The following DPP6 variants were observed in gnomAD, a reference collection of about 807,000 sequenced individuals.
DPP6 encodes the protein dipeptidyl peptidase like 6.
A neutral mutation model predicts 122.6 loss-of-function variants in DPP6; 69 were observed. That is an observed-to-expected ratio of 0.56 (90% CI 0.46 to 0.69). The LOEUF (loss-of-function observed/expected upper bound fraction) is 0.69, where lower values mean the gene tolerates loss of function less well. DPP6 is among the 30% of genes least tolerant of loss of function. The pLI, the probability that DPP6 is intolerant of heterozygous loss-of-function variation, is 0.00. For synonymous variants in DPP6, 418 were observed against 433.1 expected, an observed-to-expected ratio of 0.97 and a Z score of 0.43; for missense variants, 928 against 1,116.9, an observed-to-expected ratio of 0.83 and a Z score of 2.41.
intron 1 of DPP6, among the ~76,000 whole-genome samples, chr7:154,368,728 C>A (rs1035736739): frequency 6.6e-6 from 1 of 152,098 alleles, no homozygotes; most frequent in Non-Finnish European, 1.5e-5. Context: ...CAGTTGTTGA[C>A]CAAAGATTCA....
At chr7:153,756,312 CTT>C in the DPP6 span, among the ~76,000 whole-genome samples, 2 of 151,550 alleles carry the variant, frequency 1.3e-5, no homozygotes, top group Admixed American at 6.6e-5. Context: ...TAGGATCTAA[CTT>C]TAGAGGTAAT....
intron 17 of DPP6, among the ~76,000 whole-genome samples, chr7:154,866,061 G>A (rs1803848220): frequency 6.6e-6 from 1 of 152,230 alleles, no homozygotes; most frequent in South Asian, 2.1e-4. Context: ...GCCTGAGATA[G>A]GGTGGTCAGG....
At chr7:154,653,241 C>T (rs1430043945) in intron 6 of DPP6, among the ~76,000 whole-genome samples, 2 of 152,220 alleles carry the variant, frequency 1.3e-5, no homozygotes, top group African/African-American at 2.4e-5. Flanking sequence ...AACGCCCCAA[C>T]AGCTCGGGAG....
At position 154,605,956 on chromosome 7, in the gene DPP6, T is replaced by C. The variant is rs1208028985; in HGVS notation, c.628-31865T>C. Among the ~76,000 whole-genome samples, 3 of 120,262 alleles carry C rather than the reference T, an allele frequency of 2.5e-5. 1 individual carries two copies. The highest frequency in any genetic ancestry group is 3.4e-4 in the South Asian group (1 of 2,958). 78.9% of individuals were successfully genotyped at this position (120,262 alleles called of 152,430 possible). On this transcript the variant is annotated intron_variant, in intron 5 of 25. Transcript: ENST00000377770. Reference sequence around the variant, plus strand: ...ACTCATGTGTTATTTTGTTTCCGAATATATGCTTTATTTACCCTTTTCACA... The same window carrying C: ...ACTCATGTGTTATTTTGTTTCCGAACATATGCTTTATTTACCCTTTTCACA...
intron 1 of DPP6, among the ~76,000 whole-genome samples, chr7:153,991,339 G>A (rs1797168680): frequency 6.6e-6 from 1 of 151,968 alleles, no homozygotes; most frequent in South Asian, 2.1e-4. Context: ...AGAAAAATAG[G>A]GAAGAAACCT....
chr7:154,404,672 A>G (rs1177400611), intron 1 of DPP6, among the ~76,000 whole-genome samples: 1 of 152,244 alleles, frequency 6.6e-6, no homozygotes. Flanking sequence ...CAGTTTGCTT[A>G]TAAAATCAGT....
chr7:154,658,186 TTAA>T (rs1384042215), intron 6 of DPP6, among the ~76,000 whole-genome samples: 1 of 152,174 alleles, frequency 6.6e-6, no homozygotes, highest in East Asian at 1.9e-4. Context: ...TGGGACTTAG[TTAA>T]TAATGTTTCA....
intron 1 of DPP6, among the ~76,000 whole-genome samples, chr7:153,930,624 A>G (rs1012683831): frequency 3.3e-5 from 5 of 152,276 alleles, no homozygotes; most frequent in African/African-American, 1.2e-4. Flanking sequence ...AATCTCTGAG[A>G]GAGTAGACTT....
At chr7:154,505,772 G>A (rs1427460041) in intron 3 of DPP6, among the ~76,000 whole-genome samples, 1 of 152,150 alleles carries the variant, frequency 6.6e-6, no homozygotes, top group African/African-American at 2.4e-5. Context: ...TGTTGACCTT[G>A]ATCACCTGGC....
chr7:153,766,918 A>G, the DPP6 span, among the ~76,000 whole-genome samples: 2 of 152,192 alleles, frequency 1.3e-5, no homozygotes, highest in Non-Finnish European at 2.9e-5. Context: ...CACAAGCCAC[A>G]TAATAATTTG....
In DPP6 at chr7:154,657,694, GGGAGGAGGTGCTCA is replaced by G. The variant is rs1428523552; in HGVS notation, c.681-11665_681-11652del. ...TCATGGGTGGGTGGAGAGGCTGCGT[GGGAGGAGGTGCTCA>G]TAGGTGGGTGGAGAGGCTACGTGGG... On this transcript the variant is annotated intron_variant, in intron 6 of 25. Coordinates refer to ENST00000377770, the MANE Select transcript of DPP6 (RefSeq NM_130797.4). Among the ~76,000 whole-genome samples, 183 of 95,486 alleles carry G rather than the reference GGGAGGAGGTGCTCA, an allele frequency of 1.9e-3. 21 individuals carry two copies. The highest frequency in any genetic ancestry group is 6.2e-3 in the African/African-American group (177 of 28,474). 62.6% of individuals were successfully genotyped at this position (95,486 alleles called of 152,430 possible). A position where few individuals can be genotyped will look rare whatever the true frequency, so the allele number is the denominator to read the frequency against.
At chr7:154,165,322 C>A (rs1797192983) in intron 1 of DPP6, among the ~76,000 whole-genome samples, 1 of 142,532 alleles carries the variant, frequency 7.0e-6, no homozygotes, top group African/African-American at 3.0e-5. Context: ...CATGTCCCTA[C>A]AAAGGACATG....
chr7:154,711,945 C>CACACACACACACA (rs6150404), intron 7 of DPP6, among the ~76,000 whole-genome samples: 109,393 of 149,772 alleles, frequency 0.73, 41,896 homozygotes, highest in Non-Finnish European at 0.85. Flanking sequence ...TTAATACACA[C>CACACACACACACA]ACACACACAC....
chr7:153,836,938 A>C, the DPP6 span, among the ~76,000 whole-genome samples: 1 of 152,186 alleles, frequency 6.6e-6, no homozygotes, highest in Admixed American at 6.5e-5. Flanking sequence ...GTGGCTCATA[A>C]GAGAGTGGCT....
At chr7:154,408,716 G>A (rs1816332014) in intron 1 of DPP6, among the ~76,000 whole-genome samples, 1 of 150,702 alleles carries the variant, frequency 6.6e-6, no homozygotes. Flanking sequence ...GCATTTGCGT[G>A]TCCTATCTTT....
Position 154,158,484 on chromosome 7 carries a change from C to T in DPP6, c.243+105421C>T, listed in dbSNP as rs1796809309. 1.3e-5 allele frequency among the ~76,000 whole-genome samples: 2 copies of T among 151,220 alleles called. 1 individual carries two copies. Among genetic ancestry groups the T allele is most frequent in the African/African-American group, 4.9e-5 (2 of 41,034 alleles). The stretch of plus-strand genomic sequence containing the variant: ...TTCCTTTTTTTAAAAAAAAAATCTC[C>T]TAAATTTCTGAATGCAAAACATTAC... On this transcript the variant is annotated intron_variant, in intron 1 of 25. Transcript: ENST00000377770.
At chr7:154,005,135 C>T (rs1797858710) in intron 1 of DPP6, among the ~76,000 whole-genome samples, 1 of 152,038 alleles carries the variant, frequency 6.6e-6, no homozygotes. Context: ...TATACACTGT[C>T]AAACAATTGA....
intron 6 of DPP6, among the ~76,000 whole-genome samples, chr7:154,656,174 G>A (rs891435957): frequency 2.1e-5 from 3 of 146,136 alleles, no homozygotes; most frequent in Non-Finnish European, 4.5e-5. Context: ...GAGGGAGGTG[G>A]GGGGAGAGCT....
chr7:154,880,520 C>A (rs12534125), intron 20 of DPP6, among the ~76,000 whole-genome samples: 52,033 of 152,054 alleles, frequency 0.34, 9,362 homozygotes, highest in East Asian at 0.55. Flanking sequence ...TCCCAGAGCC[C>A]GCGTGCTTGG....
Sources: allele counts gnomAD v4.1 joint callset (sites outside exome capture counted in the v4.1 genomes callset), GRCh38; gene constraint gnomAD v4.1.1; transcripts MANE v1.5; gene names NCBI Gene and HGNC (gene_info 2026-07-23, HGNC 2026-07-21).